The following FRMPD4 variants were observed in gnomAD, a reference collection of about 807,000 sequenced individuals.
FRMPD4 encodes the protein FERM and PDZ domain-containing protein 4.
FRMPD4 carries 22 observed loss-of-function variants against 94.1 expected under a neutral mutation model. The ratio of observed to expected loss-of-function variants is 0.23; its 90% CI spans 0.17 to 0.33. The LOEUF is 0.33. FRMPD4 is among the 10% of genes least tolerant of loss of function. The probability of loss-of-function intolerance (pLI) is 1.00; values close to 1 mark genes in which losing one functional copy is unlikely to be tolerated. For synonymous variants in FRMPD4, 631 were observed against 548.6 expected (o/e 1.15, Z -2.10); for missense variants, 1,111 against 1,339.9 (o/e 0.83, Z 2.67).
chrX:12,122,349 C>T (rs759005554), intron 3 of FRMPD4, among the ~76,000 whole-genome samples: 1 of 112,242 alleles, frequency 8.9e-6, no homozygotes, highest in East Asian at 2.8e-4. Context: ...TCCACATGGT[C>T]ACTTGAAAAC....
intron 2 of FRMPD4, among the ~76,000 whole-genome samples, chrX:12,590,373 T>C (rs1177692670): frequency 8.9e-6 from 1 of 112,308 alleles, no homozygotes; most frequent in African/African-American, 3.2e-5. Flanking sequence ...CTTCTTATTA[T>C]CATGCAAATT....
At chrX:12,462,129 C>T (rs1032778275) in intron 1 of FRMPD4, among the ~76,000 whole-genome samples, 4 of 111,876 alleles carry the variant, frequency 3.6e-5, no homozygotes, top group African/African-American at 6.5e-5. Context: ...ATGTTTCATT[C>T]GCCAATGCAA....
chrX:11,990,564 A>G (rs1233363342), intron 3 of FRMPD4, among the ~76,000 whole-genome samples: 3 of 112,413 alleles, frequency 2.7e-5, no homozygotes, highest in Non-Finnish European at 5.6e-5. Context: ...GTGCCAAAGC[A>G]GAGAACTGGG....
intron 5 of FRMPD4, among the ~76,000 whole-genome samples, chrX:12,680,573 T>A (rs1374597395): frequency 1.8e-5 from 2 of 112,229 alleles, no homozygotes; most frequent in Non-Finnish European, 3.8e-5. Context: ...CATTTGTCAG[T>A]TTTATGAAAT....
At chrX:12,377,522 C>T (rs753424727) in intron 1 of FRMPD4, among the ~76,000 whole-genome samples, 1 of 112,329 alleles carries the variant, frequency 8.9e-6, no homozygotes, top group Non-Finnish European at 1.9e-5. Flanking sequence ...CGTTACTTCT[C>T]AGCATAAAAC....
Position 12,717,662 on chromosome X carries a change from C to G in FRMPD4, c.2836C>G (p.Leu946Val), listed in dbSNP as rs1413890026. The change falls in exon 16 of 17, where the codon CTT (leucine) becomes GTT (valine). Residue 946 changes from leucine to valine, a missense_variant. By Grantham distance (32) the Leu-to-Val change is conservative. Coordinates refer to ENST00000675598, the MANE Select transcript of FRMPD4 (RefSeq NM_001368397.1). ...FLATHEGYHP[L>V]AEEQTEFPAS... The stretch of plus-strand genomic sequence containing the variant: ...GGCCACTCACGAAGGCTACCACCCC[C>G]TTGCAGAAGAGCAGACCGAGTTCCC... The G allele has an allele frequency of 8.3e-6, 10 of 1,210,017 alleles. No homozygotes were observed. Among genetic ancestry groups the G allele is most frequent in the Admixed American group, 4.4e-5 (2 of 45,882 alleles).
At chrX:11,927,621 C>A (rs1425875790) in intron 3 of FRMPD4, among the ~76,000 whole-genome samples, 1 of 111,972 alleles carries the variant, frequency 8.9e-6, no homozygotes, top group African/African-American at 3.2e-5. Context: ...TGATCTTCGA[C>A]AAACCTGACA....
At position 12,441,363 on chromosome X, in the gene FRMPD4, T is replaced by C. The variant is rs773331297; in HGVS notation, c.42-57317T>C. ...CTCTGCTGCTTGGCCTATAAAACTC[T>C]AAATATTACAATTAAAAATAACAAA... On this transcript the variant is annotated intron_variant, in intron 1 of 16. Coordinates refer to ENST00000675598, the MANE Select transcript of FRMPD4 (RefSeq NM_001368397.1). Among the ~76,000 whole-genome samples, 9 of 112,619 alleles carry C rather than the reference T, an allele frequency of 8.0e-5. No individual in the cohort carries two copies. The South Asian group carries it at 3.3e-3, about 41-fold the overall frequency.
At chrX:12,461,836 CT>C (rs760110370) in intron 1 of FRMPD4, among the ~76,000 whole-genome samples, 134 of 111,620 alleles carry the variant, frequency 1.2e-3, no homozygotes, top group Non-Finnish European at 2.1e-3. Context: ...TTTACTAAAC[CT>C]TTTTGAGCAC....
intron 1 of FRMPD4, among the ~76,000 whole-genome samples, chrX:12,152,419 T>C (rs1219484543): frequency 9.0e-6 from 1 of 111,222 alleles, no homozygotes; most frequent in Non-Finnish European, 1.9e-5. Context: ...TGCTTATATT[T>C]ACATAAAAAT....
intron 3 of FRMPD4, among the ~76,000 whole-genome samples, chrX:11,977,351 C>G (rs1485515789): frequency 8.9e-6 from 1 of 112,210 alleles, no homozygotes; most frequent in African/African-American, 3.2e-5. Context: ...GCCATTGGGA[C>G]TTTGTGTTGC....
At chrX:12,174,222 C>T (rs1026330356) in intron 1 of FRMPD4, among the ~76,000 whole-genome samples, 31 of 112,394 alleles carry the variant, frequency 2.8e-4, no homozygotes, top group African/African-American at 9.0e-4. Flanking sequence ...GGGCTGTGTT[C>T]CAGTAAAACT....
chrX:12,710,314 TCCATAAGCATAAA>T, intron 13 of FRMPD4, 72 bp from the exon 14 acceptor site: 1 of 782,615 alleles, frequency 1.3e-6, no homozygotes, highest in Admixed American at 3.0e-5. Context: ...AACTCCTTTT[TCCATAAGCATAAA>T]TGCAGCTGTT....
intron 4 of FRMPD4, among the ~76,000 whole-genome samples, chrX:12,630,471 T>G (rs1274006238): frequency 8.9e-6 from 1 of 112,282 alleles, no homozygotes; most frequent in African/African-American, 3.2e-5. Flanking sequence ...GAGACCAACC[T>G]GAAGATAAGA....
chrX:12,694,038 G>T (rs774593016), intron 8 of FRMPD4, among the ~76,000 whole-genome samples: 1 of 111,340 alleles, frequency 9.0e-6, no homozygotes, highest in South Asian at 3.8e-4. Flanking sequence ...AGGCACCCTT[G>T]CTTGGCTTCC....
chrX:11,951,685 C>T (rs1196974737), intron 3 of FRMPD4, among the ~76,000 whole-genome samples: 2 of 111,799 alleles, frequency 1.8e-5, no homozygotes, highest in African/African-American at 6.5e-5. Flanking sequence ...GTACAACAAA[C>T]CCCCATGACA....
chrX:11,897,110 A>T (rs1211883774), intron 3 of FRMPD4, among the ~76,000 whole-genome samples: 3 of 107,717 alleles, frequency 2.8e-5, no homozygotes, highest in Non-Finnish European at 5.8e-5. Context: ...ACCATTCCAA[A>T]TTCCTAATTT....
At chrX:12,641,945 T>C (rs1233145957) in intron 4 of FRMPD4, among the ~76,000 whole-genome samples, 1 of 111,839 alleles carries the variant, frequency 8.9e-6, no homozygotes, top group Admixed American at 9.5e-5. Context: ...CCAAGTGCAA[T>C]GAAAATGTTT....
Position 12,471,980 on chromosome X carries a change from C to G in FRMPD4, c.42-26700C>G, listed in dbSNP as rs183188626. Reference sequence around the variant, plus strand: ...CAATAACTCAATCTACTGCTGAACCCTAGTGCACAAATTAGCCACAGAATT... The same window carrying G: ...CAATAACTCAATCTACTGCTGAACCGTAGTGCACAAATTAGCCACAGAATT... On this transcript the variant is annotated intron_variant, in intron 1 of 16. Transcript: ENST00000675598. Among the ~76,000 whole-genome samples the G allele has an allele frequency of 8.0e-4, 90 of 112,482 alleles. 1 individual carries two copies. Among genetic ancestry groups the G allele is most frequent in the Admixed American group, 7.5e-3 (80 of 10,664 alleles).
Sources: allele counts gnomAD v4.1 joint callset (sites outside exome capture counted in the v4.1 genomes callset), GRCh38; gene constraint gnomAD v4.1.1; transcripts MANE v1.5; gene names NCBI Gene and HGNC (gene_info 2026-07-23, HGNC 2026-07-21).